GLYATL1: variants seen among roughly 807,000 people sequenced by gnomAD.
GLYATL1 encodes the protein glycine-N-acyltransferase like 1.
GLYATL1 carries 15 observed loss-of-function variants against 20.0 expected under a neutral mutation model. That is an observed-to-expected ratio of 0.75 (90% CI 0.50 to 1.15). The LOEUF is 1.15. Ranked by LOEUF, GLYATL1 falls within the 50% of genes most tolerant of loss-of-function variation. The pLI, the probability that GLYATL1 is intolerant of heterozygous loss-of-function variation, is 0.00. For synonymous variants in GLYATL1, 151 were observed against 131.5 expected, an observed-to-expected ratio of 1.15 and a Z score of -1.01; for missense variants, 380 against 368.5, an observed-to-expected ratio of 1.03 and a Z score of -0.26.
chr11:58,924,294 T>G (rs979107014), upstream of GLYATL1, among the ~76,000 whole-genome samples: 8 of 152,220 alleles, frequency 5.3e-5, no homozygotes, highest in African/African-American at 1.9e-4. Flanking sequence ...GGCAATATCT[T>G]TGGTCAATCT....
At chr11:58,920,787 C>T (rs899288380) in intron 1 of GLYATL1, among the ~76,000 whole-genome samples, 2 of 152,148 alleles carry the variant, frequency 1.3e-5, no homozygotes, top group Non-Finnish European at 2.9e-5. Context: ...TAACTGAGTG[C>T]GGTACCCGGA....
At chr11:58,946,727 A>T (rs1856592778) in intron 2 of GLYATL1, 1 of 351,294 alleles carries the variant, frequency 2.8e-6, no homozygotes, top group African/African-American at 2.1e-5. Flanking sequence ...GAAAAAACTT[A>T]TGATGGTAGT....
At chr11:58,943,960 C>A (rs1237729232) in intron 2 of GLYATL1, among the ~76,000 whole-genome samples, 1 of 144,688 alleles carries the variant, frequency 6.9e-6, no homozygotes, top group Admixed American at 6.8e-5. Flanking sequence ...CTTTTCTTTT[C>A]TTTTTTTTTT....
upstream of GLYATL1, among the ~76,000 whole-genome samples, chr11:58,925,083 T>C (rs1855396881): frequency 6.6e-6 from 1 of 152,292 alleles, no homozygotes; most frequent in East Asian, 1.9e-4. Flanking sequence ...TGGCTTGAGT[T>C]TTTTTTCTTT....
At chr11:58,926,562 C>T (rs73483047), upstream of GLYATL1, among the ~76,000 whole-genome samples, 3,449 of 152,234 alleles carry the variant, frequency 0.023, 115 homozygotes, top group African/African-American at 0.078. Context: ...ATTATGTGGT[C>T]TCTATTAGAC....
At chr11:58,919,973 T>G (rs1855269128) in intron 1 of GLYATL1, among the ~76,000 whole-genome samples, 1 of 152,166 alleles carries the variant, frequency 6.6e-6, no homozygotes, top group African/African-American at 2.4e-5. Flanking sequence ...TCTCCCTCAA[T>G]GTATTTCCCA....
Position 58,956,184 on chromosome 11 carries a change from G to A in GLYATL1, c.*157G>A. The A allele has an allele frequency of 3.0e-6, 2 of 677,952 alleles. No individual in the cohort carries two copies. Among genetic ancestry groups the A allele is most frequent in the Middle Eastern group, 8.3e-4 (2 of 2,414 alleles). The allele number at this position is 677,952 out of a possible 1,614,324, so 42.0% of individuals were successfully genotyped here. ...CCTTGATGTTAAAAGACACAGCCAT[G>A]CTCTTGAGGAGCTTACAATCCTGGC... On this transcript the variant is annotated 3_prime_UTR_variant, in exon 7 of 7. Coordinates refer to ENST00000532726, the MANE Select transcript of GLYATL1 (RefSeq NM_001389712.2).
intron 2 of GLYATL1, among the ~76,000 whole-genome samples, chr11:58,943,886 G>T (rs751081747): frequency 6.6e-6 from 1 of 152,090 alleles, no homozygotes; most frequent in Non-Finnish European, 1.5e-5. Context: ...CAGTAATGTT[G>T]CAGGAGTTAT....
At chr11:58,918,143 G>C (rs1855222407) in intron 1 of GLYATL1, among the ~76,000 whole-genome samples, 1 of 152,144 alleles carries the variant, frequency 6.6e-6, no homozygotes, top group Non-Finnish European at 1.5e-5. Flanking sequence ...TGTCTACTAG[G>C]ACTTCTATGG....
chr11:58,952,706 C>CT (rs1857082622), intron 4 of GLYATL1, among the ~76,000 whole-genome samples: 1 of 152,132 alleles, frequency 6.6e-6, no homozygotes, highest in African/African-American at 2.4e-5. Flanking sequence ...AACCCAGCCC[C>CT]TTTTACTCCA....
downstream of GLYATL1, among the ~76,000 whole-genome samples, chr11:58,909,691 T>C (rs1025149035): frequency 5.9e-5 from 9 of 152,310 alleles, no homozygotes; most frequent in South Asian, 8.3e-4. Context: ...AATTCAATAA[T>C]GTAGTAGGCA....
At position 58,947,183 on chromosome 11, in the gene GLYATL1, G is replaced by T. The variant is rs1428660753; in HGVS notation, c.78+18G>T. ...CCCTGAAGGTCAGGGAACAGTGGGAGGTCAGGGTATGGGAGTAGGGGTGTT... is the reference window on the plus strand; with the variant it reads ...CCCTGAAGGTCAGGGAACAGTGGGATGTCAGGGTATGGGAGTAGGGGTGTT... On this transcript the variant is annotated intron_variant, in intron 3 of 6. Transcript: ENST00000532726. 2 of 1,612,662 alleles carry T rather than the reference G, an allele frequency of 1.2e-6. No homozygotes were observed. The highest frequency in any genetic ancestry group is 1.7e-5 in the Admixed American group (1 of 59,908).
chr11:58,913,066 G>T (rs1235840205), downstream of GLYATL1, among the ~76,000 whole-genome samples: 1 of 152,148 alleles, frequency 6.6e-6, no homozygotes, highest in Non-Finnish European at 1.5e-5. Context: ...TTTTGTCCAG[G>T]GCCTGAGTGA....
intron 1 of GLYATL1, among the ~76,000 whole-genome samples, chr11:58,918,888 G>A (rs1410280487): frequency 6.6e-6 from 1 of 152,182 alleles, no homozygotes; most frequent in Admixed American, 6.5e-5. Flanking sequence ...TCGGTCTCAT[G>A]GCATTATCAG....
At chr11:58,934,495 C>A (rs1265503930), upstream of GLYATL1, 1 of 152,584 alleles carries the variant, frequency 6.6e-6, no homozygotes, top group Admixed American at 6.6e-5. Context: ...GTGGAATGGC[C>A]TGGAGGCTGG....
Position 58,943,540 on chromosome 11 carries a change from C to T in GLYATL1, c.-166-3C>T. 1 of 1,608,006 alleles carries T rather than the reference C, an allele frequency of 6.2e-7. No homozygotes were observed. Among genetic ancestry groups the T allele is most frequent in the Non-Finnish European group, 8.5e-7 (1 of 1,177,356 alleles). On this transcript the variant is annotated splice_region_variant and splice_polypyrimidine_tract_variant and intron_variant, in intron 1 of 6. Coordinates refer to ENST00000532726, the MANE Select transcript of GLYATL1 (RefSeq NM_001389712.2). ...AATTCAGCTGAAGTTTTTCTTTTAT[C>T]AGATGGTGTCACAAGAAGGATCTGA...
chr11:58,951,932 A>T (rs1304144594), intron 4 of GLYATL1, among the ~76,000 whole-genome samples: 2 of 151,948 alleles, frequency 1.3e-5, no homozygotes, highest in Admixed American at 1.3e-4. Flanking sequence ...GGATTTTCTA[A>T]ATGTGTAATA....
chr11:58,907,217 G>C (rs1854917098), intron 1 of GLYATL1: 2 of 408,652 alleles, frequency 4.9e-6, no homozygotes, highest in African/African-American at 2.0e-5. Context: ...TGAGTTTTCT[G>C]TCTCTCTCTC....
At chr11:58,925,490 C>A (rs1243977212), upstream of GLYATL1, among the ~76,000 whole-genome samples, 2 of 151,990 alleles carry the variant, frequency 1.3e-5, no homozygotes, top group African/African-American at 4.8e-5. Context: ...TAAATATTTC[C>A]TTTTCCTTCT....
Sources: gnomAD v4.1 joint callset for allele counts (sites outside exome capture counted in the v4.1 genomes callset) on GRCh38, gnomAD v4.1.1 for gene constraint, MANE v1.5 for transcripts, NCBI Gene and HGNC (gene_info 2026-07-23, HGNC 2026-07-21) for gene names.